Variants in PTPRN2 observed in about 807,000 individuals in gnomAD.
PTPRN2 encodes the protein receptor-type tyrosine-protein phosphatase N2.
In PTPRN2, 74 loss-of-function variants were observed where a neutral mutation model predicts 118.8. That is an observed-to-expected ratio of 0.62 (90% confidence interval 0.52 to 0.76). The LOEUF (loss-of-function observed/expected upper bound fraction) is 0.76. Ranked by LOEUF, PTPRN2 falls within the 30% of genes least tolerant of loss-of-function variation. The probability of loss-of-function intolerance (pLI) is 0.00; values close to 1 mark genes in which losing one functional copy is unlikely to be tolerated. For missense variants in PTPRN2, 1,481 were observed against 1,394.4 expected (o/e 1.06, Z -0.99); for synonymous variants, 641 against 608.0 (o/e 1.05, Z -0.80).
chr7:158,325,824 G>A (rs1200324799), intron 2 of PTPRN2, among the ~76,000 whole-genome samples: 1 of 152,234 alleles, frequency 6.6e-6, no homozygotes, highest in Non-Finnish European at 1.5e-5. Flanking sequence ...AGCCATCGCT[G>A]AGACAGACAC....
intron 11 of PTPRN2, among the ~76,000 whole-genome samples, chr7:158,064,304 G>C (rs760931481): frequency 1.3e-5 from 2 of 152,192 alleles, no homozygotes; most frequent in African/African-American, 4.8e-5. Flanking sequence ...TGGAGAGCCC[G>C]GGACATGCAC....
chr7:158,103,869 T>TTA (rs1815446668), intron 10 of PTPRN2, among the ~76,000 whole-genome samples: 5 of 141,858 alleles, frequency 3.5e-5, no homozygotes, highest in African/African-American at 1.0e-4. Context: ...ATTATTATTA[T>TTA]TTTTTTTTTT....
In PTPRN2 at chr7:158,249,165, C is replaced by T. The variant is rs111204886; in HGVS notation, c.278-43892G>A. Among the ~76,000 whole-genome samples, 659 of 151,966 alleles carry T rather than the reference C, an allele frequency of 4.3e-3. 6 individuals carry two copies. Among genetic ancestry groups the T allele is most frequent in the African/African-American group, 9.9e-3 (411 of 41,450 alleles). On this transcript the variant is annotated intron_variant, in intron 3 of 22. Transcript: ENST00000389418. ...AATCACATATTCATATCACCACACA[C>T]GTGCACACAGCACACACACGAACAC...
chr7:158,035,117 T>C (rs773751895), intron 11 of PTPRN2, among the ~76,000 whole-genome samples: 1 of 152,342 alleles, frequency 6.6e-6, no homozygotes, highest in Admixed American at 6.5e-5. Flanking sequence ...GAAAACCCAG[T>C]GTGGATAGTC....
Position 158,306,757 on chromosome 7 carries a change from A to G in PTPRN2, c.277+10062T>C, listed in dbSNP as rs912983228. Among the ~76,000 whole-genome samples the G allele has an allele frequency of 5.3e-5, 8 of 152,336 alleles. No homozygotes were observed. The South Asian group carries it at 1.7e-3, about 32-fold the overall frequency. On this transcript the variant is annotated intron_variant, in intron 3 of 22. Coordinates refer to ENST00000389418, the MANE Select transcript of PTPRN2 (RefSeq NM_002847.5). The stretch of plus-strand genomic sequence containing the variant: ...TAAAAATTTTTGAGGCATTCAAAGA[A>G]ACATGCAAATGTGCCTCTTCCACAG...
intron 10 of PTPRN2, among the ~76,000 whole-genome samples, chr7:158,103,925 C>T (rs189131298): frequency 1.3e-4 from 20 of 151,798 alleles, no homozygotes; most frequent in Admixed American, 2.6e-4. Flanking sequence ...TGCAGTGGCG[C>T]GATCTCAGCT....
chr7:157,743,285 A>G (rs11765189), intron 12 of PTPRN2, among the ~76,000 whole-genome samples: 37,947 of 152,146 alleles, frequency 0.25, 5,407 homozygotes, highest in Non-Finnish European at 0.33. Flanking sequence ...GCCGCCTTCC[A>G]CAGCGAGGTC....
At chr7:157,602,353 G>A (rs1232093333) in intron 16 of PTPRN2, among the ~76,000 whole-genome samples, 1 of 152,222 alleles carries the variant, frequency 6.6e-6, no homozygotes, top group Non-Finnish European at 1.5e-5. Flanking sequence ...GGTGTGCTGA[G>A]ACCAGCAGAG....
chr7:157,575,966 A>T (rs1800014550), intron 19 of PTPRN2, among the ~76,000 whole-genome samples: 1 of 152,180 alleles, frequency 6.6e-6, no homozygotes, highest in Non-Finnish European at 1.5e-5. Flanking sequence ...TGTTTACCAC[A>T]ATCAAAGCTG....
chr7:158,395,794 T>A (rs147179436), intron 2 of PTPRN2, among the ~76,000 whole-genome samples: 5 of 28,386 alleles, frequency 1.8e-4, no homozygotes, highest in East Asian at 1.6e-3. Flanking sequence ...GGGCGAGGGG[T>A]GAGGCGCGAG....
At chr7:157,890,007 CA>C (rs1364455990) in intron 12 of PTPRN2, among the ~76,000 whole-genome samples, 1 of 152,054 alleles carries the variant, frequency 6.6e-6, no homozygotes, top group Admixed American at 6.5e-5. Context: ...TAAATGAAAT[CA>C]CAGAATTTGA....
intron 2 of PTPRN2, among the ~76,000 whole-genome samples, chr7:158,419,134 T>C (rs117734827): frequency 0.011 from 1,632 of 152,342 alleles, 16 homozygotes; most frequent in Admixed American, 0.018. Flanking sequence ...TGTGTTTAAA[T>C]ATTGCATTTC....
At chr7:157,601,794 G>C (rs896470214) in intron 16 of PTPRN2, among the ~76,000 whole-genome samples, 1 of 152,248 alleles carries the variant, frequency 6.6e-6, no homozygotes, top group South Asian at 2.1e-4. Flanking sequence ...TCGTCTTTTA[G>C]GCTTGTGAAT....
chr7:158,269,473 C>T (rs981279816), intron 3 of PTPRN2, among the ~76,000 whole-genome samples: 2 of 152,246 alleles, frequency 1.3e-5, no homozygotes, highest in African/African-American at 2.4e-5. Flanking sequence ...GCTGTCTTTG[C>T]TTCCCAGACA....
intron 6 of PTPRN2, among the ~76,000 whole-genome samples, chr7:158,160,108 G>C (rs1001724298): frequency 6.6e-6 from 1 of 152,210 alleles, no homozygotes; most frequent in African/African-American, 2.4e-5. Flanking sequence ...AACTTAAGGA[G>C]TTGTGTGTGA....
intron 10 of PTPRN2, among the ~76,000 whole-genome samples, chr7:158,107,623 T>C (rs1167956607): frequency 6.6e-6 from 1 of 152,020 alleles, no homozygotes; most frequent in Admixed American, 6.6e-5. Context: ...CATCACACTG[T>C]GTAGATCAAC....
At chr7:157,956,224 A>C (rs539517348) in intron 11 of PTPRN2, among the ~76,000 whole-genome samples, 1 of 152,306 alleles carries the variant, frequency 6.6e-6, no homozygotes, top group African/African-American at 2.4e-5. Flanking sequence ...AGGGAGCAGA[A>C]GACACAGGGT....
intron 12 of PTPRN2, among the ~76,000 whole-genome samples, chr7:157,810,638 G>A (rs1328199310): frequency 7.5e-6 from 1 of 133,522 alleles, no homozygotes; most frequent in Non-Finnish European, 1.6e-5. Flanking sequence ...ATGGGGACGG[G>A]GACGGGAACG....
rs1585505968 is a variant in PTPRN2 at position 157,801,235 on chromosome 7, C to T, written c.1788+97438G>A. On this transcript the variant is annotated intron_variant, in intron 12 of 22. Coordinates refer to ENST00000389418, the MANE Select transcript of PTPRN2 (RefSeq NM_002847.5). This position sits in a 1 kb window ranked among gnomAD's most constrained non-coding sequence, Gnocchi z 4.2. ...AGTTACGCCAGACCAGAAACTGAACCGACGCTGAAAGTATCAGGCCTTCCG... is the reference window on the plus strand; with the variant it reads ...AGTTACGCCAGACCAGAAACTGAACTGACGCTGAAAGTATCAGGCCTTCCG... Among the ~76,000 whole-genome samples the T allele has an allele frequency of 1.3e-5, 2 of 152,042 alleles. No homozygotes were observed. Among genetic ancestry groups the T allele is most frequent in the African/African-American group, 2.4e-5 (1 of 41,398 alleles).
Sources: allele counts gnomAD v4.1 joint callset (sites outside exome capture counted in the v4.1 genomes callset), GRCh38; gene constraint gnomAD v4.1.1; non-coding constraint Gnocchi (gnomAD v3.1); transcripts MANE v1.5; gene names NCBI Gene and HGNC (gene_info 2026-07-23, HGNC 2026-07-21).